ROR1: variants seen among roughly 807,000 people sequenced by gnomAD.
The protein encoded by ROR1 is ROR family WNT receptor 1.
Under a neutral mutation model 78.8 loss-of-function variants are expected in ROR1, and 19 were observed. The ratio of observed to expected loss-of-function variants is 0.24; its 90% CI spans 0.17 to 0.35. ROR1 has a LOEUF of 0.35. Among genes scored for constraint, ROR1 ranks in the 10% least tolerant of loss-of-function variants. The pLI, the probability that ROR1 is intolerant of heterozygous loss-of-function variation, is 1.00. For synonymous variants in ROR1, 386 were observed against 433.6 expected (o/e 0.89, Z 1.36); for missense variants, 917 against 1,177.8 (o/e 0.78, Z 3.24).
intron 2 of ROR1, among the ~76,000 whole-genome samples, chr1:64,016,708 A>G (rs1269174859): frequency 7.1e-6 from 1 of 140,558 alleles, no homozygotes; most frequent in Non-Finnish European, 1.6e-5. Flanking sequence ...ATAATGCTTT[A>G]TGTACCCTAG....
chr1:64,102,468 T>C (rs74813976), intron 4 of ROR1, among the ~76,000 whole-genome samples: 4,826 of 152,210 alleles, frequency 0.032, 272 homozygotes, highest in African/African-American at 0.11. Flanking sequence ...CCCTCAGAGC[T>C]TACATTGATG....
chr1:63,960,564 AG>A (rs1247251393), intron 1 of ROR1, among the ~76,000 whole-genome samples: 1 of 152,186 alleles, frequency 6.6e-6, no homozygotes, highest in Non-Finnish European at 1.5e-5. Context: ...GATGAGCCGG[AG>A]ACCTCAGGTT....
chr1:63,796,306 C>A (rs138114224), intron 1 of ROR1, among the ~76,000 whole-genome samples: 2 of 152,294 alleles, frequency 1.3e-5, no homozygotes, highest in East Asian at 3.9e-4. Flanking sequence ...TCCTCAGGTT[C>A]TCATCTGCAA....
chr1:63,826,288 A>G (rs916375396), intron 1 of ROR1, among the ~76,000 whole-genome samples: 4 of 151,786 alleles, frequency 2.6e-5, no homozygotes, highest in Non-Finnish European at 4.4e-5. Context: ...GTTCCCCTCT[A>G]TGTGTTTATG....
intron 1 of ROR1, among the ~76,000 whole-genome samples, chr1:63,949,271 T>C (rs1300396879): frequency 6.6e-6 from 1 of 152,186 alleles, no homozygotes; most frequent in African/African-American, 2.4e-5. Flanking sequence ...TTTTCCTGAT[T>C]ACCTATTGCT....
intron 4 of ROR1, among the ~76,000 whole-genome samples, chr1:64,080,929 C>T (rs1647096614): frequency 6.6e-6 from 1 of 152,152 alleles, no homozygotes; most frequent in South Asian, 2.1e-4. Flanking sequence ...GAAAATGGTA[C>T]CTGACTAGGT....
chr1:64,142,566 A>G lies in ROR1; in HGVS notation c.1090A>G (p.Asn364Asp). The G allele has an allele frequency of 6.2e-7, 1 of 1,614,156 alleles. No homozygotes were observed. The highest frequency in any genetic ancestry group is 8.5e-7 in the Non-Finnish European group (1 of 1,180,026). The change falls in exon 7 of 9, where the codon AAC (asparagine) becomes GAC (aspartate). Residue 364 changes from asparagine to aspartate, a missense_variant. Coordinates refer to ENST00000371079, the MANE Select transcript of ROR1 (RefSeq NM_005012.4). ...ELNGGHSYCRNPGNQKEAPWC... is the reference protein window; with the variant it reads ...ELNGGHSYCRDPGNQKEAPWC... The stretch of plus-strand genomic sequence containing the variant: ...GAATGGAGGCCATTCCTACTGCCGC[A>G]ACCCAGGGAATCAAAAGGAAGCTCC...
chr1:63,961,720 A>G (rs1050395981), intron 1 of ROR1, among the ~76,000 whole-genome samples: 4 of 152,166 alleles, frequency 2.6e-5, no homozygotes, highest in African/African-American at 7.2e-5. Context: ...ATGAAATTAC[A>G]GTTAATGGAT....
At chr1:63,891,086 T>G (rs939262587) in intron 1 of ROR1, among the ~76,000 whole-genome samples, 1 of 152,178 alleles carries the variant, frequency 6.6e-6, no homozygotes, top group Non-Finnish European at 1.5e-5. Flanking sequence ...GAATGTCACA[T>G]GTCAAACTAC....
intron 1 of ROR1, among the ~76,000 whole-genome samples, chr1:63,960,094 C>T (rs1646016056): frequency 6.6e-6 from 1 of 152,206 alleles, no homozygotes; most frequent in African/African-American, 2.4e-5. Flanking sequence ...AAGCCCATTT[C>T]CCCCAGGTAG....
rs138260240 is a variant in ROR1, at chr1:64,063,907, TCC to T, written c.482+13195_482+13196del. Among the ~76,000 whole-genome samples, 52 of 152,096 alleles carry T rather than the reference TCC, an allele frequency of 3.4e-4. No homozygotes were observed. The East Asian group carries it at 9.3e-3, about 27-fold the overall frequency. Reference sequence around the variant, plus strand: ...TGCAACCAGATAGGACCCTCTCCCATCCCCCTTCTCACCTGAAAGGAACTTGC... The same window carrying T: ...TGCAACCAGATAGGACCCTCTCCCATCCCTTCTCACCTGAAAGGAACTTGC... On this transcript the variant is annotated intron_variant, in intron 4 of 8. Coordinates refer to ENST00000371079, the MANE Select transcript of ROR1 (RefSeq NM_005012.4).
intron 4 of ROR1, among the ~76,000 whole-genome samples, chr1:64,098,267 C>T (rs1647378396): frequency 6.6e-6 from 1 of 152,146 alleles, no homozygotes; most frequent in African/African-American, 2.4e-5. Flanking sequence ...AGTCCCCACC[C>T]AGAGGTAGGC....
intron 4 of ROR1, among the ~76,000 whole-genome samples, chr1:64,060,535 G>A (rs1322094680): frequency 6.6e-6 from 1 of 152,176 alleles, no homozygotes; most frequent in Non-Finnish European, 1.5e-5. Context: ...GTAGCTGGGT[G>A]CTAGCCCAAC....
intron 1 of ROR1, among the ~76,000 whole-genome samples, chr1:63,871,628 A>G (rs1253252614): frequency 2.0e-5 from 3 of 152,236 alleles, no homozygotes; most frequent in African/African-American, 7.2e-5. Context: ...TGCTCCAGGC[A>G]ACCATACAGG....
intron 1 of ROR1, among the ~76,000 whole-genome samples, chr1:63,849,358 A>G (rs2100327928): frequency 6.6e-6 from 1 of 152,314 alleles, no homozygotes; most frequent in African/African-American, 2.4e-5. Flanking sequence ...CATGCCAAGC[A>G]CAGGGATGCA....
intron 1 of ROR1, among the ~76,000 whole-genome samples, chr1:63,992,947 T>G (rs1295770237): frequency 2.0e-5 from 3 of 152,152 alleles, no homozygotes; most frequent in African/African-American, 7.2e-5. Flanking sequence ...CTGCATCTCT[T>G]AACCCATGTC....
chr1:63,880,255 G>A (rs548220157), intron 1 of ROR1, among the ~76,000 whole-genome samples: 1 of 152,220 alleles, frequency 6.6e-6, no homozygotes, highest in Non-Finnish European at 1.5e-5. Flanking sequence ...GCTGATTAAA[G>A]AATGCCAAGG....
intron 1 of ROR1, among the ~76,000 whole-genome samples, chr1:63,894,263 T>A (rs1293268129): frequency 6.6e-6 from 1 of 152,172 alleles, no homozygotes; most frequent in African/African-American, 2.4e-5. Flanking sequence ...TGGTGTATAA[T>A]TTAAAACTTA....
At chr1:63,940,490 T>C (rs766504871) in intron 1 of ROR1, among the ~76,000 whole-genome samples, 44 of 91,486 alleles carry the variant, frequency 4.8e-4, no homozygotes, top group African/African-American at 1.4e-3. Flanking sequence ...GACAGATAGA[T>C]AGACAGACAG....
Sources: gnomAD v4.1 joint callset for allele counts (sites outside exome capture counted in the v4.1 genomes callset) on GRCh38, gnomAD v4.1.1 for gene constraint, MANE v1.5 for transcripts, NCBI Gene and HGNC (gene_info 2026-07-23, HGNC 2026-07-21) for gene names.